ASS1: variants seen among roughly 807,000 people sequenced by gnomAD.
ASS1 encodes argininosuccinate synthase 1, also known as argininosuccinate synthase.
In ASS1, 58 loss-of-function variants were observed where a neutral mutation model predicts 60.5. The ratio of observed to expected loss-of-function variants is 0.96; its 90% confidence interval spans 0.78 to 1.19. The LOEUF is 1.19. Among genes scored for constraint, ASS1 ranks in the 50% most tolerant of loss-of-function variants. The pLI, the probability that ASS1 is intolerant of heterozygous loss-of-function variation, is 0.00. For missense variants in ASS1, 454 were observed against 547.3 expected, an observed-to-expected ratio of 0.83 and a Z score of 1.70; for synonymous variants, 200 against 206.9, an observed-to-expected ratio of 0.97 and a Z score of 0.29.
intron 8 of ASS1, among the ~76,000 whole-genome samples, chr9:130,472,004 C>T (rs1050872597): frequency 3.9e-5 from 6 of 152,170 alleles, no homozygotes; most frequent in Admixed American, 3.3e-4. Flanking sequence ...CCAAGCTTCC[C>T]GGGCGGGCTG....
At chr9:130,465,260 C>T (rs1283346275) in intron 5 of ASS1, among the ~76,000 whole-genome samples, 1 of 151,852 alleles carries the variant, frequency 6.6e-6, no homozygotes, top group Non-Finnish European at 1.5e-5. Context: ...ACCTCGTGAT[C>T]TGCCCGCCTT....
chr9:130,464,658 T>G (rs1414497695), intron 5 of ASS1, among the ~76,000 whole-genome samples: 1 of 152,134 alleles, frequency 6.6e-6, no homozygotes, highest in African/African-American at 2.4e-5. Flanking sequence ...GAGCCTTTCC[T>G]GGGGTGGGAA....
rs1465454336 is a variant in ASS1 at position 130,464,138 on chromosome 9, A to G, written c.391A>G (p.Ser131Gly). ...GAACGATCAGGTCCGGTTTGAGCTC[A>G]GCTGCTACTCACTGGCCCCCCAGAT... The part of the protein sequence containing the change: ...KGNDQVRFEL[S>G]CYSLAPQIKV... The change falls in exon 5 of 15, where the codon AGC becomes GGC. Residue 131 changes from serine (S) to glycine (G), a missense_variant. Ser to Gly is a moderately conservative substitution (Grantham distance 56, BLOSUM62 0). Coordinates refer to ENST00000352480, the MANE Select transcript of ASS1 (RefSeq NM_054012.4). The G allele has an allele frequency of 1.2e-6, 2 of 1,613,982 alleles. No individual in the cohort carries two copies. Among genetic ancestry groups the G allele is most frequent in the Admixed American group, 1.7e-5 (1 of 60,026 alleles).
intron 13 of ASS1, among the ~76,000 whole-genome samples, chr9:130,497,761 G>A (rs1163353286): frequency 2.0e-5 from 3 of 152,308 alleles, no homozygotes; most frequent in South Asian, 4.1e-4. Flanking sequence ...ACAGAGGTGG[G>A]GGGATTCTGT....
chr9:130,496,298 G>A (rs531671300), intron 13 of ASS1, among the ~76,000 whole-genome samples: 17 of 152,156 alleles, frequency 1.1e-4, no homozygotes, highest in Admixed American at 5.9e-4. Flanking sequence ...GCATGTGCTC[G>A]TGGTCCCAAC....
chr9:130,479,064 C>T (rs998374889), intron 9 of ASS1, among the ~76,000 whole-genome samples: 2 of 152,198 alleles, frequency 1.3e-5, no homozygotes, highest in Non-Finnish European at 2.9e-5. Context: ...CGAGAAAGTG[C>T]CCCTTGCTAT....
At chr9:130,447,673 G>C (rs1170515111) in intron 1 of ASS1, among the ~76,000 whole-genome samples, 1 of 152,222 alleles carries the variant, frequency 6.6e-6, no homozygotes, top group African/African-American at 2.4e-5. Flanking sequence ...ATGTGGTGGG[G>C]GTGGAGCTGG....
At chr9:130,454,421 T>C in intron 3 of ASS1, 48 bp downstream of exon 3, 4 of 1,572,300 alleles carry the variant, frequency 2.5e-6, no homozygotes, top group Non-Finnish European at 3.5e-6. Flanking sequence ...GGCGGTGATG[T>C]GGAGGGCAGT....
At position 130,459,333 on chromosome 9, in the gene ASS1, G is replaced by A. The variant is rs1289718496; in HGVS notation, c.363+744G>A. On this transcript the variant is annotated intron_variant, in intron 4 of 14. Coordinates refer to ENST00000352480, the MANE Select transcript of ASS1 (RefSeq NM_054012.4). This position sits in a 1 kb window ranked among gnomAD's most constrained non-coding sequence, Gnocchi z 4.6. Reference sequence around the variant, plus strand: ...TGTCTTCTTCCTGTATCTCTGCATTGTCTTCCCTCTGCTTGTCTGTTTACC... The same window carrying A: ...TGTCTTCTTCCTGTATCTCTGCATTATCTTCCCTCTGCTTGTCTGTTTACC... Among the ~76,000 whole-genome samples, 4 of 151,932 alleles carry A rather than the reference G, an allele frequency of 2.6e-5. No individual in the cohort carries two copies. The highest frequency in any genetic ancestry group is 9.7e-5 in the African/African-American group (4 of 41,336).
At chr9:130,464,227 G>C in intron 5 of ASS1, 60 bp downstream of exon 5, 2 of 1,567,136 alleles carry the variant, frequency 1.3e-6, no homozygotes, top group South Asian at 1.1e-5. Flanking sequence ...CTGATGGGGA[G>C]GAGGGCACAG....
Position 130,501,191 on chromosome 9 carries a change from G to T in ASS1, c.*170G>T. ...GGTCCCCCTGAAGCCTGCAAACGTT[G>T]TCATCGAAGGGAAGGGTGGGGGGCA... On this transcript the variant is annotated 3_prime_UTR_variant, in exon 15 of 15. Coordinates refer to ENST00000352480, the MANE Select transcript of ASS1 (RefSeq NM_054012.4). 2 of 709,832 alleles carry T rather than the reference G, an allele frequency of 2.8e-6. No homozygotes were observed. Among genetic ancestry groups the T allele is most frequent in the Non-Finnish European group, 4.8e-6 (2 of 413,334 alleles). The allele number at this position is 709,832 out of a possible 1,614,324, so 44.0% of individuals were successfully genotyped here.
rs1359131420 is a variant in ASS1, at chr9:130,491,640, C to G, written c.970+2176C>G. Reference sequence around the variant, plus strand: ...ACAGGGGAACCCTGGGTGTAGGGCACAGTTTGGCTCCTGGCTGCGGTCACG... The same window carrying G: ...ACAGGGGAACCCTGGGTGTAGGGCAGAGTTTGGCTCCTGGCTGCGGTCACG... On this transcript the variant is annotated intron_variant, in intron 12 of 14. Transcript: ENST00000352480. The surrounding 1 kb of genome is among the most constrained non-coding windows in gnomAD (Gnocchi z 5.3). Among the ~76,000 whole-genome samples the G allele has an allele frequency of 2.0e-5, 3 of 152,220 alleles. No homozygotes were observed. Among genetic ancestry groups the G allele is most frequent in the African/African-American group, 7.2e-5 (3 of 41,458 alleles).
At chr9:130,483,818 T>TCCCTCTCCCC (rs1846232883) in intron 11 of ASS1, among the ~76,000 whole-genome samples, 1 of 35,410 alleles carries the variant, frequency 2.8e-5, no homozygotes, top group African/African-American at 1.8e-4. Flanking sequence ...CTCCTTCCCC[T>TCCCTCTCCCC]CTTCCCTCCC....
chr9:130,456,469 AAACC>A (rs1183312729), intron 3 of ASS1, among the ~76,000 whole-genome samples: 6 of 152,216 alleles, frequency 3.9e-5, no homozygotes, highest in Admixed American at 1.3e-4. Context: ...TCTGTAAAAA[AAACC>A]AACCAACCAA....
At position 130,476,857 on chromosome 9, in the gene ASS1, C is replaced by T; in HGVS notation, c.598-14C>T. ...TGGTATGTCATCTGCCCACCACTTTCTGTCTTTTTTCAGAACCAAGCGCCT... is the reference window on the plus strand; with the variant it reads ...TGGTATGTCATCTGCCCACCACTTTTTGTCTTTTTTCAGAACCAAGCGCCT... On this transcript the variant is annotated splice_polypyrimidine_tract_variant and intron_variant, in intron 8 of 14. Transcript: ENST00000352480. The surrounding 1 kb of genome is among the most constrained non-coding windows in gnomAD (Gnocchi z 4.9). The T allele has an allele frequency of 6.2e-7, 1 of 1,611,328 alleles. No homozygotes were observed. The highest frequency in any genetic ancestry group is 8.5e-7 in the Non-Finnish European group (1 of 1,177,558).
At position 130,470,890 on chromosome 9, in the gene ASS1, C is replaced by A. The variant is rs368192467; in HGVS notation, c.552C>A (p.Asn184Lys). The change falls in exon 7 of 15, where the codon AAC (asparagine) becomes AAA (lysine). Residue 184 changes from asparagine to lysine, a missense_variant. By Grantham distance (94) the Asn-to-Lys change is moderately conservative. Coordinates refer to ENST00000352480, the MANE Select transcript of ASS1 (RefSeq NM_054012.4). The surrounding 1 kb of genome is among the most constrained non-coding windows in gnomAD (Gnocchi z 4.3). ...TPKNPWSMDENLMHISYEAGI... is the reference protein window; with the variant it reads ...TPKNPWSMDEKLMHISYEAGI... ...AGAACCCGTGGAGCATGGATGAGAA[C>A]CTCATGCACATCAGGTAAATCCCAC... The A allele has an allele frequency of 6.2e-7, 1 of 1,614,042 alleles. No individual in the cohort carries two copies. The highest frequency in any genetic ancestry group is 8.5e-7 in the Non-Finnish European group (1 of 1,179,966).
intron 8 of ASS1, among the ~76,000 whole-genome samples, chr9:130,475,698 C>T (rs1239664969): frequency 6.6e-6 from 1 of 150,514 alleles, no homozygotes; most frequent in South Asian, 2.1e-4. Context: ...CTGCTGAGAA[C>T]TCAGACTGCA....
Position 130,479,738 on chromosome 9 carries a change from C to T in ASS1, c.711C>T (p.Asn237=), listed in dbSNP as rs779981831. Residue 237 remains asparagine, a synonymous_variant, in exon 10 of 15, where the codon AAC becomes AAT. Coordinates refer to ENST00000352480, the MANE Select transcript of ASS1 (RefSeq NM_054012.4). ...TAGGGGTCCCTGTGAAGGTGACCAACGTCAAGGATGGCACCACCCACCAGA... is the reference window on the plus strand; with the variant it reads ...TAGGGGTCCCTGTGAAGGTGACCAATGTCAAGGATGGCACCACCCACCAGA... ...FKKGVPVKVT[N]VKDGTTHQTS... 1.3e-5 allele frequency: 21 copies of T among 1,614,032 alleles called. No individual in the cohort carries two copies. In the Admixed American group the frequency reaches 1.3e-4, roughly 10 times the overall value.
intron 1 of ASS1, chr9:130,450,310 G>A (rs1282933516): frequency 8.1e-6 from 8 of 987,546 alleles, no homozygotes; most frequent in Admixed American, 6.1e-5. Context: ...TCCAGACGCC[G>A]GGAACTCACG....
Sources: allele counts gnomAD v4.1 joint callset (sites outside exome capture counted in the v4.1 genomes callset), GRCh38; gene constraint gnomAD v4.1.1; non-coding constraint Gnocchi (gnomAD v3.1); transcripts MANE v1.5; gene names NCBI Gene and HGNC (gene_info 2026-07-23, HGNC 2026-07-21).